Variants in LIMS2 observed in about 807,000 individuals in gnomAD.
The protein encoded by LIMS2 is LIM zinc finger domain containing 2.
LIMS2 carries 30 observed loss-of-function variants against 45.3 expected under a neutral mutation model. That is an observed-to-expected ratio of 0.66 (90% CI 0.50 to 0.90). The LOEUF is 0.90. LIMS2 is among the 40% of genes least tolerant of loss of function. The pLI, the probability that LIMS2 is intolerant of heterozygous loss-of-function variation, is 0.00. For synonymous variants in LIMS2, 173 were observed against 188.0 expected, an observed-to-expected ratio of 0.92 and a Z score of 0.65; for missense variants, 485 against 468.7, an observed-to-expected ratio of 1.03 and a Z score of -0.32.
rs1315416542 is a variant in LIMS2 at position 127,664,204 on chromosome 2, G to A, written c.12-6642C>T. ...CATCCGACGCCGGGGCAGAGCCCAC[G>A]GCGTCGGAGGGCCCCGGTCGGGTTT... On this transcript the variant is annotated intron_variant, in intron 1 of 9. Coordinates refer to ENST00000355119, the MANE Select transcript of LIMS2 (RefSeq NM_001161403.3). The surrounding 1 kb of genome is among the most constrained non-coding windows in gnomAD (Gnocchi z 5.5). The A allele has an allele frequency of 1.0e-5, 10 of 980,354 alleles. No individual in the cohort carries two copies. Among genetic ancestry groups the A allele is most frequent in the African/African-American group, 1.7e-5 (1 of 58,012 alleles). 60.7% of individuals were successfully genotyped at this position (980,354 alleles called of 1,614,324 possible). A position where few individuals can be genotyped will look rare whatever the true frequency, so the allele number is the denominator to read the frequency against.
chr2:127,674,643 C>CT, intron 1 of LIMS2: 5 of 985,354 alleles, frequency 5.1e-6, no homozygotes, highest in Non-Finnish European at 6.0e-6. Context: ...TCGCACAGCG[C>CT]GGGCTCGGGG....
rs1349463864 is a variant in LIMS2 at position 127,638,922 on chromosome 2, A to G, written c.*359T>C. On this transcript the variant is annotated 3_prime_UTR_variant, in exon 10 of 10. Transcript: ENST00000355119. ...GGGGCAGGGGCTCTCACAGGACAGCATGAGCCACTGAGCCGCCTGGGGAGG... is the reference window on the plus strand; with the variant it reads ...GGGGCAGGGGCTCTCACAGGACAGCGTGAGCCACTGAGCCGCCTGGGGAGG... 3 of 270,862 alleles carry G rather than the reference A, an allele frequency of 1.1e-5. No homozygotes were observed. Among genetic ancestry groups the G allele is most frequent in the South Asian group, 8.7e-5 (2 of 22,962 alleles). The allele number at this position is 270,862 out of a possible 1,614,324, so 16.8% of individuals were successfully genotyped here.
Position 127,642,597 on chromosome 2 carries a change from C to A in LIMS2, c.509+326G>T. 2.5e-6 allele frequency: 1 copy of A among 401,692 alleles called. No homozygotes were observed. The highest frequency in any genetic ancestry group is 4.5e-6 in the Non-Finnish European group (1 of 221,098). The allele number at this position is 401,692 out of a possible 1,614,324, so 24.9% of individuals were successfully genotyped here. A position where few individuals can be genotyped will look rare whatever the true frequency, so the allele number is the denominator to read the frequency against. On this transcript the variant is annotated intron_variant, in intron 5 of 9. Transcript: ENST00000355119. The surrounding 1 kb of genome is among the most constrained non-coding windows in gnomAD (Gnocchi z 5.3). ...CTCTCCAACACCAGCACCAAGCCCA[C>A]TCCCGGTCTCTTGCCCTGCCCCCTC...
At position 127,639,178 on chromosome 2, in the gene LIMS2, G is replaced by T; in HGVS notation, c.*103C>A. 8.3e-7 allele frequency: 1 copy of T among 1,210,734 alleles called. No homozygotes were observed. Among genetic ancestry groups the T allele is most frequent in the Non-Finnish European group, 1.2e-6 (1 of 853,662 alleles). 75.0% of individuals were successfully genotyped at this position (1,210,734 alleles called of 1,614,324 possible). ...GGCAATGAGGAAAGAGAAAGGGAGG[G>T]TAAGATGCGGAGGGCACAGGTGGAT... is the stretch of plus-strand genomic sequence containing the variant. On this transcript the variant is annotated 3_prime_UTR_variant, in exon 10 of 10. Transcript: ENST00000355119.
rs549653089 is a variant in LIMS2 at position 127,647,881 on chromosome 2, A to T, written c.360-4809T>A. 1.6e-4 allele frequency among the ~76,000 whole-genome samples: 24 copies of T among 151,802 alleles called. No homozygotes were observed. The highest frequency in any genetic ancestry group is 1.0e-3 in the South Asian group (5 of 4,798). On this transcript the variant is annotated intron_variant, in intron 4 of 9. Coordinates refer to ENST00000355119, the MANE Select transcript of LIMS2 (RefSeq NM_001161403.3). This position sits in a 1 kb window ranked among gnomAD's most constrained non-coding sequence, Gnocchi z 4.3. ...GGCCCCCCTCCCCTGCCACCGTCCC[A>T]CCGGTACCTGCTCCCTGTTCTCCCC...
intron 1 of LIMS2, among the ~76,000 whole-genome samples, chr2:127,663,795 C>T (rs1203689231): frequency 6.6e-6 from 1 of 152,190 alleles, no homozygotes; most frequent in Non-Finnish European, 1.5e-5. Flanking sequence ...ATGCCCCTGA[C>T]CCCAAGAGTG....
In LIMS2 at chr2:127,671,482, CAGA is replaced by C. The variant is rs768520730; in HGVS notation, c.11+3529_11+3531del. 2.6e-5 allele frequency among the ~76,000 whole-genome samples: 4 copies of C among 151,812 alleles called. No individual in the cohort carries two copies. Among genetic ancestry groups the C allele is most frequent in the Non-Finnish European group, 5.9e-5 (4 of 67,968 alleles). ...GCGGCACAGCACAGATAGGGACAGACAGAAGAAGGATAACCCGCTGTGGATAGA... is the reference window on the plus strand; with the variant it reads ...GCGGCACAGCACAGATAGGGACAGACAGAAGGATAACCCGCTGTGGATAGA... On this transcript the variant is annotated intron_variant, in intron 1 of 9. Transcript: ENST00000355119. This position sits in a 1 kb window ranked among gnomAD's most constrained non-coding sequence, Gnocchi z 4.1.
chr2:127,649,330 CCTG>C (rs1431213767), intron 4 of LIMS2, among the ~76,000 whole-genome samples: 1 of 152,180 alleles, frequency 6.6e-6, no homozygotes, highest in African/African-American at 2.4e-5. Context: ...CTCCTCCCCT[CCTG>C]CTGCCACAAT....
In LIMS2 at chr2:127,664,187, G is replaced by C; in HGVS notation, c.12-6625C>G. ...GTCGCCAACCCAGGGCCCATCCGAC[G>C]CCGGGGCAGAGCCCACGGCGTCGGA... On this transcript the variant is annotated intron_variant, in intron 1 of 9. Transcript: ENST00000355119. This position sits in a 1 kb window ranked among gnomAD's most constrained non-coding sequence, Gnocchi z 5.5. The C allele has an allele frequency of 2.5e-6, 2 of 811,602 alleles. No individual in the cohort carries two copies. Among genetic ancestry groups the C allele is most frequent in the Non-Finnish European group, 3.2e-6 (2 of 623,776 alleles). The allele number at this position is 811,602 out of a possible 1,614,324, so 50.3% of individuals were successfully genotyped here.
At chr2:127,654,327 C>G (rs963299406) in intron 4 of LIMS2, 97 bp downstream of exon 4, 1 of 1,550,430 alleles carries the variant, frequency 6.4e-7, no homozygotes, top group Non-Finnish European at 8.9e-7. Context: ...CGGGACCCTT[C>G]TGCGCCCTCA....
At chr2:127,641,298 C>G (rs1457605247) in intron 6 of LIMS2, 4 of 274,166 alleles carry the variant, frequency 1.5e-5, no homozygotes, top group South Asian at 5.0e-5. Flanking sequence ...TGGCCTCCCC[C>G]TCGGCAGCCT....
intron 4 of LIMS2, among the ~76,000 whole-genome samples, chr2:127,645,581 G>A (rs894517695): frequency 2.6e-5 from 4 of 152,312 alleles, no homozygotes; most frequent in East Asian, 3.9e-4. Flanking sequence ...ACAGGACAGC[G>A]CCCCATTATG....
At chr2:127,641,980 G>A (rs764911565) in intron 6 of LIMS2, 69 bp downstream of exon 6, 5 of 1,537,468 alleles carry the variant, frequency 3.3e-6, no homozygotes, top group East Asian at 2.4e-5. Context: ...GGAGCTTTAG[G>A]GCTCTTACCA....
chr2:127,658,032 G>A (rs982209828), intron 1 of LIMS2, among the ~76,000 whole-genome samples: 11 of 152,224 alleles, frequency 7.2e-5, no homozygotes, highest in Non-Finnish European at 1.6e-4. Context: ...TGCACCATGA[G>A]TTAGTTTCAA....
At position 127,642,981 on chromosome 2, in the gene LIMS2, G is replaced by T. The variant is rs755165095; in HGVS notation, c.451C>A (p.Pro151Thr). The T allele has an allele frequency of 1.3e-6, 2 of 1,573,100 alleles. No individual in the cohort carries two copies. Among genetic ancestry groups the T allele is most frequent in the Non-Finnish European group, 1.7e-6 (2 of 1,159,234 alleles). The change falls in exon 5 of 10, where the codon CCC becomes ACC. Residue 151 changes from proline to threonine, a missense_variant. Physicochemically the swap from Pro to Thr is conservative, Grantham distance 38. Transcript: ENST00000355119. This position sits in a 1 kb window ranked among gnomAD's most constrained non-coding sequence, Gnocchi z 5.3. Reference sequence around the variant, plus strand: ...TAGGCGTCGCTCCTGAACATGAGGGGCTGCTCGTCGATGACCAGGTGGCAC... The same window carrying T: ...TAGGCGTCGCTCCTGAACATGAGGGTCTGCTCGTCGATGACCAGGTGGCAC... The part of the protein sequence containing the change: ...QRCHLVIDEQ[P>T]LMFRSDAYHP...
chr2:127,657,472 C>A lies in LIMS2; in HGVS notation c.102G>T (p.Glu34Asp). ...PAERIVNSNG[E>D]LYHEHCFVCA... ...ACACGAAGCAGTGCTCATGGTACAG[C>A]TCCCCATTGCTGTTGACAATGCGCT... Residue 34 changes from glutamate (E) to aspartate (D), a missense_variant, in exon 2 of 10, where the codon GAG (glutamate) becomes GAT (aspartate). By Grantham distance (45) the Glu-to-Asp change is conservative. Coordinates refer to ENST00000355119, the MANE Select transcript of LIMS2 (RefSeq NM_001161403.3). 1 of 1,613,788 alleles carries A rather than the reference C, an allele frequency of 6.2e-7. No individual in the cohort carries two copies. The highest frequency in any genetic ancestry group is 1.3e-5 in the African/African-American group (1 of 75,070).
chr2:127,675,184 G>C lies in LIMS2; in HGVS notation c.-160C>G, dbSNP rs1237831041. 1 of 502,438 alleles carries C rather than the reference G, an allele frequency of 2.0e-6. No homozygotes were observed. Among genetic ancestry groups the C allele is most frequent in the Non-Finnish European group, 3.0e-6 (1 of 329,274 alleles). 31.1% of individuals were successfully genotyped at this position (502,438 alleles called of 1,614,324 possible). A position where few individuals can be genotyped will look rare whatever the true frequency, so the allele number is the denominator to read the frequency against. On this transcript the variant is annotated 5_prime_UTR_variant, in exon 1 of 10. Transcript: ENST00000355119. Reference sequence around the variant, plus strand: ...CTCCGCCCGCGAGAGGGGTGGGCGGGGGTGGCAGGGTGGGGCCCGCGGGGC... The same window carrying C: ...CTCCGCCCGCGAGAGGGGTGGGCGGCGGTGGCAGGGTGGGGCCCGCGGGGC...
chr2:127,651,178 C>T (rs762692247), intron 4 of LIMS2: 14 of 1,612,252 alleles, frequency 8.7e-6, no homozygotes, highest in Non-Finnish European at 1.2e-5. Context: ...CCCCTCTACG[C>T]ACACCTGGCC....
rs765582704 is a variant in LIMS2, at chr2:127,639,352, G to A, written c.955C>T (p.Arg319Trp). ...GTCAGCTCCGACAGCTTCTTCAGCC[G>A]CTTCTTCAGCTCCAGCGGGAACTTC... Reference protein sequence around the residue: ...YEKFPLELKKRLKKLSELTSR... With the variant: ...YEKFPLELKKWLKKLSELTSR... Residue 319 changes from arginine (R) to tryptophan (W), a missense_variant, in exon 10 of 10, where the codon CGG becomes TGG. Coordinates refer to ENST00000355119, the MANE Select transcript of LIMS2 (RefSeq NM_001161403.3). 2.6e-5 allele frequency: 42 copies of A among 1,613,810 alleles called. No individual in the cohort carries two copies. The highest frequency in any genetic ancestry group is 3.3e-5 in the Non-Finnish European group (39 of 1,179,932).
Sources: allele counts gnomAD v4.1 joint callset (sites outside exome capture counted in the v4.1 genomes callset), GRCh38; gene constraint gnomAD v4.1.1; non-coding constraint Gnocchi (gnomAD v3.1); transcripts MANE v1.5; gene names NCBI Gene and HGNC (gene_info 2026-07-23, HGNC 2026-07-21).